Variants in AGBL1 observed in about 807,000 individuals in gnomAD.
AGBL1 encodes the protein AGBL carboxypeptidase 1.
AGBL1 carries 130 observed loss-of-function variants against 118.9 expected under a neutral mutation model. The observed-to-expected ratio is 1.09, with a 90% confidence interval of 0.95 to 1.26. The LOEUF (loss-of-function observed/expected upper bound fraction) is 1.26, where lower values mean the gene tolerates loss of function less well. Ranked by LOEUF, AGBL1 falls within the 50% of genes most tolerant of loss-of-function variation. AGBL1 has a pLI of 0.00. For missense variants in AGBL1, 1,584 were observed against 1,298.1 expected, an observed-to-expected ratio of 1.22 and a Z score of -3.38; for synonymous variants, 555 against 478.9, an observed-to-expected ratio of 1.16 and a Z score of -2.08.
chr15:86,313,895 G>C (rs1046383342), intron 17 of AGBL1, among the ~76,000 whole-genome samples: 1 of 152,164 alleles, frequency 6.6e-6, no homozygotes, highest in South Asian at 2.1e-4. Context: ...TTCATTAAGT[G>C]GGAGCAGGCA....
rs558726963 is a variant in AGBL1, at chr15:86,876,452, G to A, written c.3159-30635G>A. Reference sequence around the variant, plus strand: ...CCCCGAGATGTTCAGACTAGATGCTGCTGATAAAAGAAAACTGACTCCTCA... The same window carrying A: ...CCCCGAGATGTTCAGACTAGATGCTACTGATAAAAGAAAACTGACTCCTCA... On this transcript the variant is annotated intron_variant, in intron 22 of 22. Coordinates refer to ENST00000614907, the MANE Select transcript of AGBL1 (RefSeq NM_001386094.1). Among the ~76,000 whole-genome samples the A allele has an allele frequency of 2.0e-5, 3 of 152,242 alleles. No homozygotes were observed. The South Asian group carries it at 6.2e-4, about 32-fold the overall frequency.
intron 16 of AGBL1, among the ~76,000 whole-genome samples, chr15:86,284,104 T>C (rs2079401295): frequency 6.6e-6 from 1 of 151,670 alleles, no homozygotes; most frequent in Admixed American, 6.6e-5. Context: ...ATTAAAGCAT[T>C]TATTGTTTTT....
intron 22 of AGBL1, among the ~76,000 whole-genome samples, chr15:86,774,989 A>G (rs1298878966): frequency 6.6e-6 from 1 of 152,182 alleles, no homozygotes; most frequent in Non-Finnish European, 1.5e-5. Context: ...ACTTTGGGAA[A>G]TGTTCATTTG....
chr15:87,026,195 GAA>G (rs1596755391), intron 24 of AGBL1, among the ~76,000 whole-genome samples: 2 of 151,762 alleles, frequency 1.3e-5, no homozygotes, highest in East Asian at 3.9e-4. Context: ...ACGGCAAAAG[GAA>G]CAGTTAGCAG....
At chr15:86,166,266 T>A (rs2077340160) in intron 5 of AGBL1, among the ~76,000 whole-genome samples, 1 of 152,214 alleles carries the variant, frequency 6.6e-6, no homozygotes, top group Non-Finnish European at 1.5e-5. Flanking sequence ...TGGAGAAATG[T>A]TGCTTGGGGA....
intron 22 of AGBL1, among the ~76,000 whole-genome samples, chr15:86,800,498 C>T (rs1202455186): frequency 6.6e-6 from 1 of 152,062 alleles, no homozygotes; most frequent in African/African-American, 2.4e-5. Flanking sequence ...AATCCTTCTT[C>T]CATAAGTCTA....
chr15:86,364,988 TACACACAC>T lies in AGBL1; in HGVS notation c.2375-32374_2375-32367del, dbSNP rs1226981308. ...ATATATATATATATATATATATATA[TACACACAC>T]ACATATATATATACACACACATATA... On this transcript the variant is annotated intron_variant, in intron 17 of 22. Transcript: ENST00000614907. Among the ~76,000 whole-genome samples, 925 of 103,320 alleles carry T rather than the reference TACACACAC, an allele frequency of 9.0e-3. 33 individuals carry two copies. The highest frequency in any genetic ancestry group is 0.035 in the African/African-American group (814 of 22,952). 67.8% of individuals were successfully genotyped at this position (103,320 alleles called of 152,430 possible).
intron 22 of AGBL1, among the ~76,000 whole-genome samples, chr15:86,853,524 G>T (rs1196077108): frequency 6.6e-6 from 1 of 152,108 alleles, no homozygotes; most frequent in Non-Finnish European, 1.5e-5. Flanking sequence ...ACCCAATGTT[G>T]CCCAGGGCAG....
intron 22 of AGBL1, among the ~76,000 whole-genome samples, chr15:86,723,561 C>G (rs12591547): frequency 1.1e-4 from 17 of 151,858 alleles, no homozygotes; most frequent in African/African-American, 3.4e-4. Context: ...TATTAAATGA[C>G]GAGTTAATGG....
At chr15:86,984,454 C>T (rs1249778923) in intron 23 of AGBL1, among the ~76,000 whole-genome samples, 2 of 151,446 alleles carry the variant, frequency 1.3e-5, no homozygotes, top group South Asian at 2.1e-4. Flanking sequence ...AACCTCCGCC[C>T]CGCTGGGTTC....
At chr15:86,855,838 C>T (rs1270137028) in intron 22 of AGBL1, among the ~76,000 whole-genome samples, 1 of 152,318 alleles carries the variant, frequency 6.6e-6, no homozygotes, top group East Asian at 1.9e-4. Flanking sequence ...GGATTCTCTC[C>T]TCATCTGGGA....
intron 22 of AGBL1, among the ~76,000 whole-genome samples, chr15:86,781,151 AT>A (rs941750673): frequency 3.3e-5 from 5 of 151,808 alleles, no homozygotes; most frequent in African/African-American, 7.2e-5. Context: ...ATAGAGATGA[AT>A]TTTTTTTCAA....
chr15:86,963,014 C>A (rs540837012), intron 23 of AGBL1, among the ~76,000 whole-genome samples: 1 of 152,022 alleles, frequency 6.6e-6, no homozygotes, highest in South Asian at 2.1e-4. Flanking sequence ...ACGATTAAAA[C>A]GTGAGCATTA....
rs1415307184 is a variant in AGBL1 at position 86,526,573 on chromosome 15, T to TATATACAC, written c.2685+3635_2685+3636insTATACACA. Among the ~76,000 whole-genome samples, 60 of 117,598 alleles carry TATATACAC rather than the reference T, an allele frequency of 5.1e-4. 2 individuals carry two copies. In the East Asian group the frequency reaches 0.013, roughly 26 times the overall value. The allele number at this position is 117,598 out of a possible 152,430, so 77.1% of individuals were successfully genotyped here. On this transcript the variant is annotated intron_variant, in intron 19 of 22. Coordinates refer to ENST00000614907, the MANE Select transcript of AGBL1 (RefSeq NM_001386094.1). ...ATATATATATATATATATATATATATACACACAGAGTATATATATGTATAT... is the reference window on the plus strand; with the variant it reads ...ATATATATATATATATATATATATATATATACACACACACAGAGTATATATATGTATAT...
intron 17 of AGBL1, among the ~76,000 whole-genome samples, chr15:86,345,349 A>G (rs1464844714): frequency 1.3e-5 from 2 of 152,220 alleles, no homozygotes; most frequent in African/African-American, 2.4e-5. Flanking sequence ...TGTGGCACCA[A>G]TAGTGCATCA....
intron 1 of AGBL1, among the ~76,000 whole-genome samples, chr15:86,118,420 A>G (rs781653648): frequency 3.3e-5 from 5 of 152,062 alleles, no homozygotes; most frequent in African/African-American, 4.8e-5. Context: ...AGCACCACGT[A>G]CACTGTTGGC....
chr15:86,142,880 T>TA (rs764595303), intron 2 of AGBL1, among the ~76,000 whole-genome samples: 21 of 152,236 alleles, frequency 1.4e-4, no homozygotes, highest in East Asian at 5.8e-4. Context: ...CTCCCTCTGA[T>TA]AAGGTGGTGA....
chr15:86,129,058 G>T (rs965315673), intron 1 of AGBL1, among the ~76,000 whole-genome samples: 1 of 152,126 alleles, frequency 6.6e-6, no homozygotes, highest in African/African-American at 2.4e-5. Context: ...CCTGGAATGT[G>T]GTGGATGCTT....
intron 22 of AGBL1, among the ~76,000 whole-genome samples, chr15:86,711,765 G>A (rs539742328): frequency 5.6e-4 from 85 of 152,228 alleles, no homozygotes; most frequent in Non-Finnish European, 8.2e-4. Context: ...TGCTACAGTG[G>A]CAGAGTATGT....
Sources: allele counts gnomAD v4.1 joint callset (sites outside exome capture counted in the v4.1 genomes callset), GRCh38; gene constraint gnomAD v4.1.1; transcripts MANE v1.5; gene names NCBI Gene and HGNC (gene_info 2026-07-23, HGNC 2026-07-21).